TNKS1BP1: variants seen among roughly 807,000 people sequenced by gnomAD.
TNKS1BP1 encodes the protein 182 kDa tankyrase-1-binding protein.
TNKS1BP1 carries 48 observed loss-of-function variants against 141.1 expected under a neutral mutation model. The observed-to-expected ratio is 0.34, with a 90% CI of 0.27 to 0.43. The LOEUF (loss-of-function observed/expected upper bound fraction) is 0.43. Among genes scored for constraint, TNKS1BP1 ranks in the 20% least tolerant of loss-of-function variants. The pLI, the probability that TNKS1BP1 is intolerant of heterozygous loss-of-function variation, is 1.00. For synonymous variants in TNKS1BP1, 875 were observed against 898.2 expected, an observed-to-expected ratio of 0.97 and a Z score of 0.46; for missense variants, 2,149 against 2,226.0, an observed-to-expected ratio of 0.97 and a Z score of 0.70.
chr11:57,310,104 C>CTT lies in TNKS1BP1; in HGVS notation c.2605_2606dup (p.Asp871GlufsTer12), dbSNP rs745853523. 2 of 1,614,204 alleles carry CTT rather than the reference C, an allele frequency of 1.2e-6. No individual in the cohort carries two copies. The highest frequency in any genetic ancestry group is 1.7e-6 in the Non-Finnish European group (2 of 1,180,030). On this transcript the variant is annotated frameshift_variant, in exon 6 of 12. Transcript: ENST00000358252. LOFTEE classifies it high-confidence loss of function. Reference sequence around the variant, plus strand: ...TACTGTAGGTACCCAGTGAATCTCTCTTTCCGAATTCCTGGTCCTGGAGTT... The same window carrying CTT: ...TACTGTAGGTACCCAGTGAATCTCTCTTTTTCCGAATTCCTGGTCCTGGAGTT...
chr11:57,324,857 G>C lies in TNKS1BP1; in HGVS notation c.-83C>G, dbSNP rs1220177036. 1 of 986,908 alleles carries C rather than the reference G, an allele frequency of 1.0e-6. No homozygotes were observed. The highest frequency in any genetic ancestry group is 1.1e-4 in the East Asian group (1 of 8,846). 61.1% of individuals were successfully genotyped at this position (986,908 alleles called of 1,614,324 possible). A position where few individuals can be genotyped will look rare whatever the true frequency, so the allele number is the denominator to read the frequency against. ...GCACTCACGCGCTCGCCCGGGGTCC[G>C]GCTCCGCTCGGCTCGGGGCCCCGAT... On this transcript the variant is annotated 5_prime_UTR_variant, in exon 1 of 12. Transcript: ENST00000358252.
Position 57,324,862 on chromosome 11 carries a change from C to CGCTCG in TNKS1BP1, c.-93_-89dup. On this transcript the variant is annotated 5_prime_UTR_variant, in exon 1 of 12. Coordinates refer to ENST00000358252, the MANE Select transcript of TNKS1BP1 (RefSeq NM_033396.3). ...CACGCGCTCGCCCGGGGTCCGGCTC[C>CGCTCG]GCTCGGCTCGGGGCCCCGATGCCAG... The CGCTCG allele has an allele frequency of 1.0e-6, 1 of 988,330 alleles. No homozygotes were observed. Among genetic ancestry groups the CGCTCG allele is most frequent in the Non-Finnish European group, 1.2e-6 (1 of 832,276 alleles). The allele number at this position is 988,330 out of a possible 1,614,324, so 61.2% of individuals were successfully genotyped here.
At chr11:57,316,505 C>T (rs1855800930) in intron 4 of TNKS1BP1, among the ~76,000 whole-genome samples, 1 of 152,188 alleles carries the variant, frequency 6.6e-6, no homozygotes, top group African/African-American at 2.4e-5. Context: ...AAACTCCTCC[C>T]ATCTCCCCCG....
intron 10 of TNKS1BP1, 24 bp downstream of exon 10, chr11:57,300,860 A>T (rs1407510089): frequency 6.2e-7 from 1 of 1,607,628 alleles, no homozygotes; most frequent in Non-Finnish European, 8.5e-7. Context: ...AGGTCAGCGG[A>T]TGCCCAGAGC....
chr11:57,322,691 AGAGGAAG>A (rs1358712888), intron 1 of TNKS1BP1, among the ~76,000 whole-genome samples: 5 of 152,160 alleles, frequency 3.3e-5, no homozygotes, highest in Non-Finnish European at 5.9e-5. Context: ...GGCCTAGCCA[AGAGGAAG>A]GAGGAGCCGG....
rs763083994 is a variant in TNKS1BP1 at position 57,320,394 on chromosome 11, G to T, written c.413C>A (p.Ala138Asp). The change falls in exon 3 of 12, where the codon GCC becomes GAC. Residue 138 changes from alanine (A) to aspartate (D), a missense_variant. Ala to Asp is a moderately radical substitution (Grantham distance 126). Coordinates refer to ENST00000358252, the MANE Select transcript of TNKS1BP1 (RefSeq NM_033396.3). ...PPLTPPARCA[A>D]PGGVRKAPAP... is the part of the protein sequence containing the mutation. The stretch of plus-strand genomic sequence containing the variant: ...AGGGGCCTTCCGTACACCCCCTGGG[G>T]CTGCACATCGAGCTGGGGGTGTCAA... 1 of 1,612,794 alleles carries T rather than the reference G, an allele frequency of 6.2e-7. No individual in the cohort carries two copies. The highest frequency in any genetic ancestry group is 2.2e-5 in the East Asian group (1 of 44,858).
At position 57,309,399 on chromosome 11, in the gene TNKS1BP1, T is replaced by C; in HGVS notation, c.3312A>G (p.Pro1104=). ...AGTCCCGGCTCCAGTCCTGCTGCCCTGGGCTAAATGCTGCCTCTCGCTGGG... is the reference window on the plus strand; with the variant it reads ...AGTCCCGGCTCCAGTCCTGCTGCCCCGGGCTAAATGCTGCCTCTCGCTGGG... ...VGPQREAAFS[P]GQQDWSRDFC... The change falls in exon 6 of 12, where the codon CCA becomes CCG. Residue 1104 remains proline, a synonymous_variant. Transcript: ENST00000358252. This position sits in a 1 kb window ranked among gnomAD's most constrained non-coding sequence, Gnocchi z 4.3. 6.2e-7 allele frequency: 1 copy of C among 1,614,144 alleles called. No individual in the cohort carries two copies. The highest frequency in any genetic ancestry group is 8.5e-7 in the Non-Finnish European group (1 of 1,180,038).
chr11:57,310,098 A>G lies in TNKS1BP1; in HGVS notation c.2613T>C (p.Asp871=). ...CTCGACTACTGTAGGTACCCAGTGA[A>G]TCTCTCTTTCCGAATTCCTGGTCCT... The part of the protein sequence containing the change: ...ELQDQEFGKR[D]SLGTYSSRDV... The change falls in exon 6 of 12, where the codon GAT becomes GAC. Residue 871 remains aspartate, a synonymous_variant. Transcript: ENST00000358252. 1 of 1,614,100 alleles carries G rather than the reference A, an allele frequency of 6.2e-7. No individual in the cohort carries two copies. Among genetic ancestry groups the G allele is most frequent in the Admixed American group, 1.7e-5 (1 of 60,022 alleles).
chr11:57,301,683 G>C lies in TNKS1BP1; in HGVS notation c.4971+124C>G, dbSNP rs141088269. The C allele has an allele frequency of 2.6e-4, 343 of 1,334,766 alleles. 4 individuals carry two copies. In the East Asian group the frequency reaches 6.6e-3, roughly 26 times the overall value. The allele number at this position is 1,334,766 out of a possible 1,614,324, so 82.7% of individuals were successfully genotyped here. On this transcript the variant is annotated intron_variant, in intron 9 of 11. Transcript: ENST00000358252. ...TCTGGAGCCCTCGATGGAGAGGAGA[G>C]TGAGAGGAGGAATGGGAGAGGGGGA...
At chr11:57,324,566 G>A (rs901028017) in intron 1 of TNKS1BP1, among the ~76,000 whole-genome samples, 21 of 16,978 alleles carry the variant, frequency 1.2e-3, no homozygotes, top group Admixed American at 2.5e-3. Flanking sequence ...CCCCGGCCCC[G>A]CCCCAAGCCC....
Position 57,309,094 on chromosome 11 carries a change from G to A in TNKS1BP1, c.3617C>T (p.Thr1206Ile), listed in dbSNP as rs772839092. ...AGACCCTCCACTTTCCAAACAGCCG[G>A]TCAGGTTCATGTCTCTCAAGCTCAG... ...GGLSLRDMNL[T>I]GCLESGGSEE... The change falls in exon 6 of 12, where the codon ACC (threonine) becomes ATC (isoleucine). Residue 1206 changes from threonine to isoleucine, a missense_variant. Transcript: ENST00000358252. This position sits in a 1 kb window ranked among gnomAD's most constrained non-coding sequence, Gnocchi z 4.3. The A allele has an allele frequency of 6.2e-7, 1 of 1,614,040 alleles. No homozygotes were observed. The highest frequency in any genetic ancestry group is 1.1e-5 in the South Asian group (1 of 91,082).
intron 2 of TNKS1BP1, among the ~76,000 whole-genome samples, chr11:57,321,422 C>T (rs749943325): frequency 6.6e-6 from 1 of 152,074 alleles, no homozygotes; most frequent in Non-Finnish European, 1.5e-5. Flanking sequence ...ACCTCCTACA[C>T]ATTTGGCTAA....
In TNKS1BP1 at chr11:57,309,722, C is replaced by G; in HGVS notation, c.2989G>C (p.Glu997Gln). 1 of 1,614,232 alleles carries G rather than the reference C, an allele frequency of 6.2e-7. No homozygotes were observed. Among genetic ancestry groups the G allele is most frequent in the South Asian group, 1.1e-5 (1 of 91,080 alleles). The change falls in exon 6 of 12, where the codon GAA (glutamate) becomes CAA (glutamine). Residue 997 changes from glutamate (E) to glutamine (Q), a missense_variant. Physicochemically the swap from Glu to Gln is conservative, Grantham distance 29 (BLOSUM62 2). Coordinates refer to ENST00000358252, the MANE Select transcript of TNKS1BP1 (RefSeq NM_033396.3). This position sits in a 1 kb window ranked among gnomAD's most constrained non-coding sequence, Gnocchi z 4.3. ...SPEEAQQQDE[E>Q]FEKKIPSVED... Reference sequence around the variant, plus strand: ...ACACTTGGAATCTTCTTCTCAAATTCCTCATCCTGTTGCTGGGCTTCCTCG... The same window carrying G: ...ACACTTGGAATCTTCTTCTCAAATTGCTCATCCTGTTGCTGGGCTTCCTCG...
In TNKS1BP1 at chr11:57,300,964, C is replaced by G; in HGVS notation, c.5049G>C (p.Ala1683=). ...AESKSSQKES[A]VQRSKSCKVP... ...CCTTGCAGGATTTCGAACGCTGGACCGCGGACTCCTTCTGGCTCGACTTGC... is the reference window on the plus strand; with the variant it reads ...CCTTGCAGGATTTCGAACGCTGGACGGCGGACTCCTTCTGGCTCGACTTGC... Residue 1683 remains alanine, a synonymous_variant, in exon 10 of 12, where the codon GCG becomes GCC. Coordinates refer to ENST00000358252, the MANE Select transcript of TNKS1BP1 (RefSeq NM_033396.3). 1 of 1,614,108 alleles carries G rather than the reference C, an allele frequency of 6.2e-7. No individual in the cohort carries two copies. The highest frequency in any genetic ancestry group is 8.5e-7 in the Non-Finnish European group (1 of 1,180,002).
rs1565047143 is a variant in TNKS1BP1 at position 57,320,673 on chromosome 11, CGGGGTTTGGGCTTGACAG to C, written c.116_133del (p.Pro39_Pro44del). 1.2e-6 allele frequency: 2 copies of C among 1,608,674 alleles called. No homozygotes were observed. The highest frequency in any genetic ancestry group is 2.2e-5 in the East Asian group (1 of 44,794). On this transcript the variant is annotated inframe_deletion, in exon 3 of 12. Transcript: ENST00000358252. Reference sequence around the variant, plus strand: ...CAGGGCTGGCTTGGCAGGCAGGGCCCGGGGTTTGGGCTTGACAGGGGGTTTGGCCCGAGTGTCACCTAC... The same window carrying C: ...CAGGGCTGGCTTGGCAGGCAGGGCCCGGGGTTTGGCCCGAGTGTCACCTAC...
At chr11:57,315,258 A>C (rs1432386874) in intron 4 of TNKS1BP1, among the ~76,000 whole-genome samples, 1 of 149,744 alleles carries the variant, frequency 6.7e-6, no homozygotes, top group Non-Finnish European at 1.5e-5. Context: ...TGACCGGCTC[A>C]CTCTATTTCC....
chr11:57,318,494 G>GAGGGC (rs952586588), intron 3 of TNKS1BP1, among the ~76,000 whole-genome samples: 4 of 152,364 alleles, frequency 2.6e-5, no homozygotes, highest in African/African-American at 9.6e-5. Flanking sequence ...GGCAAGGCCA[G>GAGGGC]AGGGCAGGGC....
intron 1 of TNKS1BP1, among the ~76,000 whole-genome samples, chr11:57,322,733 G>T (rs866485968): frequency 6.6e-6 from 1 of 152,174 alleles, no homozygotes; most frequent in Non-Finnish European, 1.5e-5. Context: ...GGGAGAACGG[G>T]ACAGGGCTTG....
rs12807593 is a variant in TNKS1BP1 at position 57,305,415 on chromosome 11, G to A, written c.4317-2590C>T. Among the ~76,000 whole-genome samples, 11 of 150,390 alleles carry A rather than the reference G, an allele frequency of 7.3e-5. No individual in the cohort carries two copies. The East Asian group carries it at 1.6e-3, about 22-fold the overall frequency. ...CAGAGAGGATGTGCCTCATCTTGTC[G>A]CATCTACACCCTTCACCTGGTCTAA... On this transcript the variant is annotated intron_variant, in intron 6 of 11. Coordinates refer to ENST00000358252, the MANE Select transcript of TNKS1BP1 (RefSeq NM_033396.3).
Sources: gnomAD v4.1 joint callset for allele counts (sites outside exome capture counted in the v4.1 genomes callset) on GRCh38, gnomAD v4.1.1 for gene constraint, Gnocchi (gnomAD v3.1) non-coding constraint, MANE v1.5 for transcripts, NCBI Gene and HGNC (gene_info 2026-07-23, HGNC 2026-07-21) for gene names.